The following OSBPL1A variants were observed in gnomAD, a reference collection of about 807,000 sequenced individuals.
OSBPL1A encodes the protein oxysterol-binding protein-related protein 1.
A neutral mutation model predicts 137.1 loss-of-function variants in OSBPL1A; 80 were observed. That is an observed-to-expected ratio of 0.58 (90% CI 0.49 to 0.70). The LOEUF (loss-of-function observed/expected upper bound fraction) is 0.70. Among genes scored for constraint, OSBPL1A ranks in the 30% least tolerant of loss-of-function variants. The pLI, the probability that OSBPL1A is intolerant of heterozygous loss-of-function variation, is 0.00. For missense variants in OSBPL1A, 970 were observed against 1,129.4 expected, an observed-to-expected ratio of 0.86 and a Z score of 2.02; for synonymous variants, 365 against 389.7, an observed-to-expected ratio of 0.94 and a Z score of 0.75.
At chr18:24,210,724 T>C (rs2145967103) in intron 17 of OSBPL1A, among the ~76,000 whole-genome samples, 1 of 152,062 alleles carries the variant, frequency 6.6e-6, no homozygotes, top group South Asian at 2.1e-4. Flanking sequence ...TTTTTAGCAA[T>C]GGGGTCTCCC....
chr18:24,196,274 C>G, intron 17 of OSBPL1A, 74 bp from the exon 18 acceptor site: 14 of 981,314 alleles, frequency 1.4e-5, no homozygotes, highest in Non-Finnish European at 1.9e-5. Context: ...TGCTTTCATT[C>G]ACATGAGAGC....
rs1246109206 is a variant in OSBPL1A, at chr18:24,324,358, T to G, written c.626-5549A>C. Among the ~76,000 whole-genome samples, 2 of 62,470 alleles carry G rather than the reference T, an allele frequency of 3.2e-5. 1 individual carries two copies. The highest frequency in any genetic ancestry group is 1.9e-4 in the African/African-American group (2 of 10,652). The allele number at this position is 62,470 out of a possible 152,430, so 41.0% of individuals were successfully genotyped here. On this transcript the variant is annotated intron_variant, in intron 7 of 27. Coordinates refer to ENST00000319481, the MANE Select transcript of OSBPL1A (RefSeq NM_080597.4). ...CTTGGGCAAAGCTCCTCTTTCCTTT[T>G]GAACTTCAGCCAGAGGGCCCTCACA...
At chr18:24,246,310 A>G (rs1200095663) in intron 15 of OSBPL1A, among the ~76,000 whole-genome samples, 2 of 152,176 alleles carry the variant, frequency 1.3e-5, no homozygotes, top group Non-Finnish European at 2.9e-5. Flanking sequence ...ACCTGATGGG[A>G]GGAAACTGAA....
intron 2 of OSBPL1A, among the ~76,000 whole-genome samples, chr18:24,375,748 C>A (rs1906063171): frequency 6.6e-6 from 1 of 152,142 alleles, no homozygotes; most frequent in South Asian, 2.1e-4. Context: ...GCAGGGATCC[C>A]ATGTGTCTCT....
chr18:24,379,999 T>C (rs1906468229), intron 1 of OSBPL1A, among the ~76,000 whole-genome samples: 1 of 152,142 alleles, frequency 6.6e-6, no homozygotes, highest in Admixed American at 6.6e-5. Flanking sequence ...TTTTAGAACT[T>C]TGGTAACAAA....
chr18:24,248,189 A>AC (rs1244769727), intron 15 of OSBPL1A, among the ~76,000 whole-genome samples: 10 of 152,236 alleles, frequency 6.6e-5, no homozygotes, highest in African/African-American at 2.4e-4. Flanking sequence ...CTGCTATCTC[A>AC]GAGCATATAA....
chr18:24,195,239 T>C (rs78506449), intron 18 of OSBPL1A, among the ~76,000 whole-genome samples: 2,553 of 152,064 alleles, frequency 0.017, 77 homozygotes, highest in African/African-American at 0.057. Context: ...AGGTTGAGGC[T>C]ACAGTGAGCC....
intron 12 of OSBPL1A, 70 bp from the exon 13 acceptor site, chr18:24,312,176 T>C (rs1043766493): frequency 1.9e-6 from 3 of 1,567,630 alleles, no homozygotes; most frequent in Non-Finnish European, 2.6e-6. Context: ...ATTACAATGA[T>C]CTGATAAGCA....
intron 18 of OSBPL1A, among the ~76,000 whole-genome samples, chr18:24,183,435 CTTTTTT>C (rs35407694): frequency 3.6e-5 from 5 of 139,276 alleles, no homozygotes; most frequent in South Asian, 4.6e-4. Flanking sequence ...TTTTCTTTTT[CTTTTTT>C]TTTTTTTTGA....
intron 4 of OSBPL1A, among the ~76,000 whole-genome samples, chr18:24,348,778 GA>G (rs1286683613): frequency 6.6e-6 from 1 of 150,454 alleles, no homozygotes; most frequent in Non-Finnish European, 1.5e-5. Context: ...TCTCAAAAAA[GA>G]AAAAAAAGAA....
chr18:24,178,219 AAG>A (rs761307930), intron 20 of OSBPL1A, 24 bp from the exon 21 acceptor site: 9 of 1,496,644 alleles, frequency 6.0e-6, no homozygotes, highest in South Asian at 2.6e-5. Context: ...AAAAAAAAAA[AAG>A]AAAAAAAAAA....
intron 7 of OSBPL1A, among the ~76,000 whole-genome samples, chr18:24,331,558 G>A (rs912921286): frequency 4.6e-5 from 7 of 151,478 alleles, no homozygotes; most frequent in Admixed American, 2.0e-4. Flanking sequence ...CACCACGCCC[G>A]GCTAATTTTT....
chr18:24,285,783 T>C (rs2090057127), intron 14 of OSBPL1A, among the ~76,000 whole-genome samples: 1 of 152,076 alleles, frequency 6.6e-6, no homozygotes, highest in Non-Finnish European at 1.5e-5. Flanking sequence ...TTATCTTTTG[T>C]GGTGTAAAAA....
chr18:24,257,945 A>AT (rs2089331325), intron 15 of OSBPL1A, among the ~76,000 whole-genome samples: 2 of 152,220 alleles, frequency 1.3e-5, no homozygotes, highest in Non-Finnish European at 2.9e-5. Context: ...CCCAGTTAAA[A>AT]TGGCTTATCT....
Position 24,308,046 on chromosome 18 carries a change from T to C in OSBPL1A, c.1092+3938A>G, listed in dbSNP as rs575233338. ...TGTGATCTGCCCGCCTCGGGAATCA[T>C]TTATTCTTAAATCAGAAAAGCTTTA... On this transcript the variant is annotated intron_variant, in intron 13 of 27. Transcript: ENST00000319481. Among the ~76,000 whole-genome samples, 414 of 152,250 alleles carry C rather than the reference T, an allele frequency of 2.7e-3. 4 individuals are homozygous for C. Among genetic ancestry groups the C allele is most frequent in the African/African-American group, 9.6e-3 (398 of 41,546 alleles).
chr18:24,328,814 T>A (rs1178625899), intron 7 of OSBPL1A, among the ~76,000 whole-genome samples: 2 of 152,142 alleles, frequency 1.3e-5, no homozygotes, highest in African/African-American at 4.8e-5. Context: ...AGACTTAGTA[T>A]CAAAAAAGGA....
At chr18:24,353,774 T>C (rs2091486038) in intron 4 of OSBPL1A, among the ~76,000 whole-genome samples, 1 of 151,830 alleles carries the variant, frequency 6.6e-6, no homozygotes. Context: ...CGTAGGGACA[T>C]GGATGAAGCT....
intron 18 of OSBPL1A, among the ~76,000 whole-genome samples, chr18:24,184,811 G>A (rs973173899): frequency 6.6e-6 from 1 of 150,876 alleles, no homozygotes; most frequent in Non-Finnish European, 1.5e-5. Context: ...CATTCTCATT[G>A]CCCCCACCCT....
chr18:24,245,221 G>A (rs1042835783), intron 15 of OSBPL1A, among the ~76,000 whole-genome samples: 3 of 151,786 alleles, frequency 2.0e-5, no homozygotes, highest in Admixed American at 6.6e-5. Flanking sequence ...TTGGCCTCCC[G>A]AGTAGTTAGA....
Sources: gnomAD v4.1 joint callset for allele counts (sites outside exome capture counted in the v4.1 genomes callset) on GRCh38, gnomAD v4.1.1 for gene constraint, MANE v1.5 for transcripts, NCBI Gene and HGNC (gene_info 2026-07-23, HGNC 2026-07-21) for gene names.